Variants in PCDHGA1 observed in about 807,000 individuals in gnomAD.
PCDHGA1 encodes the protein protocadherin gamma subfamily A, 1.
A neutral mutation model predicts 58.0 loss-of-function variants in PCDHGA1; 32 were observed. The ratio of observed to expected loss-of-function variants is 0.55; its 90% CI spans 0.42 to 0.74. The LOEUF (loss-of-function observed/expected upper bound fraction) is 0.74, where lower values mean the gene tolerates loss of function less well. Ranked by LOEUF, PCDHGA1 falls within the 30% of genes least tolerant of loss-of-function variation. PCDHGA1 has a pLI of 0.00. For synonymous variants in PCDHGA1, 498 were observed against 501.1 expected (o/e 0.99, Z 0.08); for missense variants, 1,205 against 1,182.3 (o/e 1.02, Z -0.28).
chr5:141,349,176 T>A (rs1758245456), intron 1 of PCDHGA1, among the ~76,000 whole-genome samples: 1 of 152,156 alleles, frequency 6.6e-6, no homozygotes, highest in Non-Finnish European at 1.5e-5. Flanking sequence ...GTTAAGTGAT[T>A]CTGCTGCCTC....
chr5:141,366,286 C>G, intron 1 of PCDHGA1: 1 of 1,613,720 alleles, frequency 6.2e-7, no homozygotes, highest in South Asian at 1.1e-5. Flanking sequence ...ATGGCCAGCC[C>G]CCTCTGTCAG....
At chr5:141,346,287 A>G (rs1561492062) in intron 1 of PCDHGA1, 1 of 1,614,106 alleles carries the variant, frequency 6.2e-7, no homozygotes, top group Non-Finnish European at 8.5e-7. Flanking sequence ...TTTCCTGCAG[A>G]CCTATTCCCA....
intron 1 of PCDHGA1, chr5:141,384,060 A>G (rs1453253478): frequency 6.2e-7 from 1 of 1,609,266 alleles, no homozygotes; most frequent in Non-Finnish European, 8.5e-7. Context: ...GCACCATTCC[A>G]GAAAACCTAC....
intron 1 of PCDHGA1, among the ~76,000 whole-genome samples, chr5:141,349,127 G>A (rs557742918): frequency 6.6e-5 from 10 of 152,174 alleles, no homozygotes; most frequent in South Asian, 2.1e-4. Context: ...ATGGACTTCA[G>A]TGGCATGATC....
In PCDHGA1 at chr5:141,415,739, G is replaced by GTTTT; in HGVS notation, c.2422-79068_2422-79067insTTTT. On this transcript the variant is annotated intron_variant, in intron 1 of 3. Transcript: ENST00000517417. The stretch of plus-strand genomic sequence containing the variant: ...ATGAGTAGAATTTGATGTTTATTAA[G>GTTTT]GTTTTTTTTTTTTTTTTTTTTTTTT... 9.2e-6 allele frequency: 4 copies of GTTTT among 434,946 alleles called. No homozygotes were observed. In the African/African-American group the frequency reaches 1.3e-4, roughly 14 times the overall value. 26.9% of individuals were successfully genotyped at this position (434,946 alleles called of 1,614,324 possible).
intron 1 of PCDHGA1, chr5:141,423,105 G>C (rs1480411428): frequency 1.9e-6 from 3 of 1,613,920 alleles, no homozygotes; most frequent in East Asian, 4.5e-5. Flanking sequence ...ACACGGGCGA[G>C]GTGCGTACAG....
chr5:141,358,858 G>C (rs1269270385), intron 1 of PCDHGA1, among the ~76,000 whole-genome samples: 2 of 152,182 alleles, frequency 1.3e-5, no homozygotes, highest in Admixed American at 6.5e-5. Context: ...ATTGCTTTCA[G>C]ATATTTCTGT....
At position 141,403,415 on chromosome 5, in the gene PCDHGA1, C is replaced by T. The variant is rs770058522; in HGVS notation, c.2421+70310C>T. 6.8e-6 allele frequency: 11 copies of T among 1,614,046 alleles called. No individual in the cohort carries two copies. The South Asian group carries it at 1.2e-4, about 18-fold the overall frequency. ...GGTTCCTGGAGCACGTTATCCACTT[C>T]CAGAAGCTATTGATCCGGATGTTGG... On this transcript the variant is annotated intron_variant, in intron 1 of 3. Coordinates refer to ENST00000517417, the MANE Select transcript of PCDHGA1 (RefSeq NM_018912.3).
chr5:141,409,080 C>T (rs2095221617), intron 1 of PCDHGA1: 1 of 1,613,988 alleles, frequency 6.2e-7, no homozygotes, highest in Non-Finnish European at 8.5e-7. Context: ...CATATGTTCT[C>T]ATTGGATGAG....
At position 141,486,602 on chromosome 5, in the gene PCDHGA1, C is replaced by T; in HGVS notation, c.2422-8205C>T. The stretch of plus-strand genomic sequence containing the variant: ...TCGCCCAGGGGACCTGCTTTGCTCC[C>T]TTGCAGCCTCTGACCCAGACTCTGG... On this transcript the variant is annotated intron_variant, in intron 1 of 3. Transcript: ENST00000517417. The surrounding 1 kb of genome is among the most constrained non-coding windows in gnomAD (Gnocchi z 5.0). 6.2e-7 allele frequency: 1 copy of T among 1,613,572 alleles called. No homozygotes were observed. Among genetic ancestry groups the T allele is most frequent in the Non-Finnish European group, 8.5e-7 (1 of 1,180,026 alleles).
chr5:141,441,852 G>T (rs1169073404), intron 1 of PCDHGA1: 2 of 352,708 alleles, frequency 5.7e-6, no homozygotes, highest in African/African-American at 2.2e-5. Flanking sequence ...TGGATATGGT[G>T]CTGCACGCCG....
intron 1 of PCDHGA1, among the ~76,000 whole-genome samples, chr5:141,368,581 G>A (rs1407306401): frequency 6.6e-6 from 1 of 152,066 alleles, no homozygotes; most frequent in Non-Finnish European, 1.5e-5. Flanking sequence ...TTAGGGTAAG[G>A]TGTTTGGGAA....
chr5:141,476,596 C>T lies in PCDHGA1; in HGVS notation c.2422-18211C>T. 1 of 1,614,224 alleles carries T rather than the reference C, an allele frequency of 6.2e-7. No homozygotes were observed. Among genetic ancestry groups the T allele is most frequent in the Non-Finnish European group, 8.5e-7 (1 of 1,180,038 alleles). On this transcript the variant is annotated intron_variant, in intron 1 of 3. Coordinates refer to ENST00000517417, the MANE Select transcript of PCDHGA1 (RefSeq NM_018912.3). The surrounding 1 kb of genome is among the most constrained non-coding windows in gnomAD (Gnocchi z 7.6). The stretch of plus-strand genomic sequence containing the variant: ...CGCGCTTTCCGCTCGAGAGCGCGCA[C>T]GATCCCGATGTGGGAAGCAACTCTT...
intron 1 of PCDHGA1, among the ~76,000 whole-genome samples, chr5:141,434,881 A>C (rs1221252749): frequency 6.6e-6 from 1 of 151,958 alleles, no homozygotes; most frequent in Non-Finnish European, 1.5e-5. Context: ...AGATACCAAC[A>C]ACAATCCAGT....
chr5:141,330,887 C>G lies in PCDHGA1; in HGVS notation c.203C>G (p.Ser68Cys), dbSNP rs1756329594. The change falls in exon 1 of 4, where the codon TCC becomes TGC. Residue 68 changes from serine to cysteine, a missense_variant. Physicochemically the swap from Ser to Cys is moderately radical, Grantham distance 112. Coordinates refer to ENST00000517417, the MANE Select transcript of PCDHGA1 (RefSeq NM_018912.3). ...GCAGATGGCGGAGTCCGCATCGTCT[C>G]CAGAGGTAGGATGCCGCTTTTCGCT... The part of the protein sequence containing the change: ...ELADGGVRIV[S>C]RGRMPLFALN... 6.2e-7 allele frequency: 1 copy of G among 1,614,072 alleles called. No homozygotes were observed.
At chr5:141,421,444 A>T in intron 1 of PCDHGA1, 1 of 1,614,020 alleles carries the variant, frequency 6.2e-7, no homozygotes, top group Non-Finnish European at 8.5e-7. Flanking sequence ...CAGAGGGAAG[A>T]CACAGCTTTT....
At chr5:141,406,574 C>A (rs941574087) in intron 1 of PCDHGA1, among the ~76,000 whole-genome samples, 1 of 152,164 alleles carries the variant, frequency 6.6e-6, no homozygotes, top group African/African-American at 2.4e-5. Context: ...CCCTAGTAAA[C>A]CAATTTTTTC....
intron 1 of PCDHGA1, chr5:141,340,522 G>C: frequency 6.2e-7 from 1 of 1,614,228 alleles, no homozygotes; most frequent in Non-Finnish European, 8.5e-7. Context: ...TCTATGCACT[G>C]CGCTCCTTTG....
At chr5:141,430,559 G>C in intron 1 of PCDHGA1, 1 of 418,772 alleles carries the variant, frequency 2.4e-6, no homozygotes. Flanking sequence ...CACCAATCGG[G>C]GAGAGAAAAG....
Sources: allele counts gnomAD v4.1 joint callset (sites outside exome capture counted in the v4.1 genomes callset), GRCh38; gene constraint gnomAD v4.1.1; non-coding constraint Gnocchi (gnomAD v3.1); transcripts MANE v1.5; gene names NCBI Gene and HGNC (gene_info 2026-07-23, HGNC 2026-07-21).